Variants in PAFAH1B3 observed in about 807,000 individuals in gnomAD.
PAFAH1B3 encodes the protein platelet activating factor acetylhydrolase 1b catalytic subunit 3.
Under a neutral mutation model 24.4 loss-of-function variants are expected in PAFAH1B3, and 15 were observed. The ratio of observed to expected loss-of-function variants is 0.62; its 90% CI spans 0.41 to 0.95. PAFAH1B3 has a LOEUF of 0.95. Ranked by LOEUF, PAFAH1B3 falls within the 40% of genes least tolerant of loss-of-function variation. PAFAH1B3 has a pLI of 0.00. For synonymous variants in PAFAH1B3, 144 were observed against 126.5 expected, an observed-to-expected ratio of 1.14 and a Z score of -0.93; for missense variants, 266 against 312.2, an observed-to-expected ratio of 0.85 and a Z score of 1.12.
chr19:42,297,267 G>A lies in PAFAH1B3; in HGVS notation c.507C>T (p.Ala169=), dbSNP rs752531971. 43 of 1,613,984 alleles carry A rather than the reference G, an allele frequency of 2.7e-5. No individual in the cohort carries two copies. The South Asian group carries it at 4.5e-4, about 17-fold the overall frequency. ...VRAALAGHPR[A]HFLDADPGFV... is the part of the protein sequence containing the mutation. ...AGCCAGGGTCGGCATCTAGGAAGTG[G>A]GCCCGAGGGTGGCCAGCCAGTGCCG... The change falls in exon 5 of 5, where the codon GCC becomes GCT. Residue 169 remains alanine, a synonymous_variant. Transcript: ENST00000262890.
intron 4 of PAFAH1B3, among the ~76,000 whole-genome samples, chr19:42,299,542 A>G (rs1465672111): frequency 6.6e-6 from 1 of 151,386 alleles, no homozygotes; most frequent in Non-Finnish European, 1.5e-5. Flanking sequence ...CTCCTGCCTC[A>G]GCCTGCCAAG....
At position 42,300,157 on chromosome 19, in the gene PAFAH1B3, C is replaced by G. The variant is rs1162882314; in HGVS notation, c.285+14G>C. The G allele has an allele frequency of 6.2e-7, 1 of 1,614,162 alleles. No homozygotes were observed. The highest frequency in any genetic ancestry group is 8.5e-7 in the Non-Finnish European group (1 of 1,179,974). On this transcript the variant is annotated intron_variant, in intron 3 of 4. Transcript: ENST00000262890. ...CCAAAAGATGTTTTAGAGCCCCACC[C>G]AAGCCCCGCTCACCTTGGGCCGGAT...
chr19:42,297,877 C>G (rs1037352629), intron 4 of PAFAH1B3, among the ~76,000 whole-genome samples: 3 of 152,060 alleles, frequency 2.0e-5, no homozygotes, highest in Admixed American at 6.6e-5. Context: ...GCGGCCTAGC[C>G]TCTTTCCAAG....
intron 4 of PAFAH1B3, 62 bp from the exon 5 acceptor site, chr19:42,297,427 A>C (rs1310944630): frequency 2.1e-6 from 3 of 1,425,900 alleles, no homozygotes; most frequent in Non-Finnish European, 2.9e-6. Context: ...TCTCTGTGCC[A>C]ACCTGTCCTC....
chr19:42,301,543 G>C (rs548058294), intron 2 of PAFAH1B3, among the ~76,000 whole-genome samples: 33 of 152,218 alleles, frequency 2.2e-4, no homozygotes, highest in Admixed American at 5.2e-4. Context: ...ACCCATTACA[G>C]TTGGACATGC....
chr19:42,302,430 A>G lies in PAFAH1B3; in HGVS notation c.-121T>C. 2.3e-6 allele frequency: 2 copies of G among 866,114 alleles called. No individual in the cohort carries two copies. Among genetic ancestry groups the G allele is most frequent in the Non-Finnish European group, 3.5e-6 (2 of 573,120 alleles). The allele number at this position is 866,114 out of a possible 1,614,324, so 53.7% of individuals were successfully genotyped here. On this transcript the variant is annotated 5_prime_UTR_variant, in exon 1 of 5. Coordinates refer to ENST00000262890, the MANE Select transcript of PAFAH1B3 (RefSeq NM_002573.4). ...GGCAACAAAGGACCGTCCCAACGCT[A>G]GCACACCCGCGGAGGACGAAGGCCG...
rs2038538618 is a variant in PAFAH1B3 at position 42,297,216 on chromosome 19, G to A, written c.558C>T (p.Ser186=). The A allele has an allele frequency of 3.1e-6, 5 of 1,614,162 alleles. No individual in the cohort carries two copies. The highest frequency in any genetic ancestry group is 3.3e-5 in the Admixed American group (2 of 60,024). The change falls in exon 5 of 5, where the codon AGC becomes AGT. Residue 186 remains serine (S), a synonymous_variant. Transcript: ENST00000262890. ...GCAGGTAATCATACATGTCATGATG[G>A]CTGATGGTGCCATCTGAGTGCACAA... ...PGFVHSDGTI[S]HHDMYDYLHL...
At chr19:42,301,113 C>T (rs931105547) in intron 2 of PAFAH1B3, among the ~76,000 whole-genome samples, 2 of 152,236 alleles carry the variant, frequency 1.3e-5, no homozygotes, top group African/African-American at 4.8e-5. Context: ...CCACACCCTG[C>T]CTAGAGTCTC....
chr19:42,298,127 G>C (rs1367564040), intron 4 of PAFAH1B3, among the ~76,000 whole-genome samples: 2 of 152,144 alleles, frequency 1.3e-5, no homozygotes, highest in African/African-American at 4.8e-5. Context: ...AGCCCTGGAA[G>C]CAGAAGTTGC....
At chr19:42,302,176 C>T (rs2038641926) in intron 1 of PAFAH1B3, 56 bp downstream of exon 1, 1 of 1,525,398 alleles carries the variant, frequency 6.6e-7, no homozygotes, top group African/African-American at 1.4e-5. Context: ...CAGCCGTTCT[C>T]CTGAGCCACC....
In PAFAH1B3 at chr19:42,302,044, G is replaced by T; in HGVS notation, c.79-5C>A. On this transcript the variant is annotated splice_polypyrimidine_tract_variant and splice_region_variant and intron_variant, in intron 1 of 4. Coordinates refer to ENST00000262890, the MANE Select transcript of PAFAH1B3 (RefSeq NM_002573.4). Reference sequence around the variant, plus strand: ...GTCAGCCACGAACCGATGGTGCTGCGGGAGCGCGCGAGAGGGAGTCAATGG... The same window carrying T: ...GTCAGCCACGAACCGATGGTGCTGCTGGAGCGCGCGAGAGGGAGTCAATGG... 6.4e-7 allele frequency: 1 copy of T among 1,564,028 alleles called. No individual in the cohort carries two copies.
In PAFAH1B3 at chr19:42,302,561, G is replaced by C. The variant is rs1221186580; in HGVS notation, c.-252C>G. ...CGACGGCCGCACAGTGGGCTCGCCCGGCGCTTCCCGCTCGGGCCGCTGACT... is the reference window on the plus strand; with the variant it reads ...CGACGGCCGCACAGTGGGCTCGCCCCGCGCTTCCCGCTCGGGCCGCTGACT... On this transcript the variant is annotated 5_prime_UTR_variant, in exon 1 of 5. Transcript: ENST00000262890. The C allele has an allele frequency of 2.2e-6, 1 of 457,672 alleles. No homozygotes were observed. Among genetic ancestry groups the C allele is most frequent in the South Asian group, 3.0e-5 (1 of 32,912 alleles). The allele number at this position is 457,672 out of a possible 1,614,324, so 28.4% of individuals were successfully genotyped here.
Position 42,300,110 on chromosome 19 carries a change from T to A in PAFAH1B3, c.286-18A>T. ...ACCACAATCTGTGGAAAAAGAGACA[T>A]GAAGCAGCGGTGAGGGGGCAGCCAA... On this transcript the variant is annotated intron_variant, in intron 3 of 4. Coordinates refer to ENST00000262890, the MANE Select transcript of PAFAH1B3 (RefSeq NM_002573.4). 6.2e-7 allele frequency: 1 copy of A among 1,613,972 alleles called. No individual in the cohort carries two copies. Among genetic ancestry groups the A allele is most frequent in the South Asian group, 1.1e-5 (1 of 91,062 alleles).
In PAFAH1B3 at chr19:42,300,271, A is replaced by G; in HGVS notation, c.185T>C (p.Phe62Ser). The change falls in exon 3 of 5, where the codon TTC becomes TCC. Residue 62 changes from phenylalanine (F) to serine (S), a missense_variant. Transcript: ENST00000262890. The stretch of plus-strand genomic sequence containing the variant: ...AAAGTTAAGTGCATGCAGAGGAGAG[A>G]AGAGCTCGCGCCAGATCTGTGGGCA... ...MHQCEIWREL[F>S]SPLHALNFGI... The G allele has an allele frequency of 6.2e-7, 1 of 1,614,194 alleles. No homozygotes were observed. The highest frequency in any genetic ancestry group is 1.7e-5 in the Admixed American group (1 of 60,026).
rs767125483 is a variant in PAFAH1B3, at chr19:42,301,947, C to A, written c.168+3G>T. 6.4e-7 allele frequency: 1 copy of A among 1,555,060 alleles called. No homozygotes were observed. The highest frequency in any genetic ancestry group is 8.7e-7 in the Non-Finnish European group (1 of 1,148,826). On this transcript the variant is annotated splice_donor_region_variant and intron_variant, in intron 2 of 4. Transcript: ENST00000262890. ...GGGGCAGGGGGAGAGGGACTGCCCT[C>A]ACCTCGCACTGGTGCATGAGCTGGA...
chr19:42,301,856 CT>C (rs1204403148), intron 2 of PAFAH1B3, 93 bp downstream of exon 2: 7 of 1,004,278 alleles, frequency 7.0e-6, no homozygotes, highest in Non-Finnish European at 1.5e-6. Flanking sequence ...AATCTGGGTA[CT>C]CTCATAATAC....
rs967043393 is a variant in PAFAH1B3 at position 42,302,522 on chromosome 19, C to T, written c.-213G>A. 4 of 534,152 alleles carry T rather than the reference C, an allele frequency of 7.5e-6. No individual in the cohort carries two copies. Among genetic ancestry groups the T allele is most frequent in the South Asian group, 4.8e-5 (2 of 41,412 alleles). 33.1% of individuals were successfully genotyped at this position (534,152 alleles called of 1,614,324 possible). ...TTAGGAGGTAGGTGGAATCAGGAACCTTCGCTTCCCCCACGACGGCCGCAC... is the reference window on the plus strand; with the variant it reads ...TTAGGAGGTAGGTGGAATCAGGAACTTTCGCTTCCCCCACGACGGCCGCAC... On this transcript the variant is annotated 5_prime_UTR_variant, in exon 1 of 5. Transcript: ENST00000262890.
At position 42,299,910 on chromosome 19, in the gene PAFAH1B3, A is replaced by G. The variant is rs76616296; in HGVS notation, c.408+60T>C. On this transcript the variant is annotated intron_variant, in intron 4 of 4. Coordinates refer to ENST00000262890, the MANE Select transcript of PAFAH1B3 (RefSeq NM_002573.4). ...GCCTAGAACTGTGCCAACTGTGGCT[A>G]TATCTGAGGGGGTCCCAGACCACTG... is the stretch of plus-strand genomic sequence containing the variant. The G allele has an allele frequency of 1.0e-3, 1,600 of 1,605,466 alleles. 14 individuals are homozygous for G. In the African/African-American group the frequency reaches 0.019, roughly 19 times the overall value.
intron 4 of PAFAH1B3, among the ~76,000 whole-genome samples, chr19:42,299,539 C>T (rs1024191740): frequency 6.6e-6 from 1 of 152,112 alleles, no homozygotes; most frequent in Non-Finnish European, 1.5e-5. Flanking sequence ...ATTCTCCTGC[C>T]TCAGCCTGCC....
Sources: gnomAD v4.1 joint callset for allele counts (sites outside exome capture counted in the v4.1 genomes callset) on GRCh38, gnomAD v4.1.1 for gene constraint, MANE v1.5 for transcripts, NCBI Gene and HGNC (gene_info 2026-07-23, HGNC 2026-07-21) for gene names.